Variants in INO80 observed in about 807,000 individuals in gnomAD.
The protein encoded by INO80 is INO80 complex ATPase subunit, also known as chromatin-remodeling ATPase INO80.
A neutral mutation model predicts 203.4 loss-of-function variants in INO80; 20 were observed. The ratio of observed to expected loss-of-function variants is 0.10; its 90% confidence interval spans 0.07 to 0.14. The LOEUF (loss-of-function observed/expected upper bound fraction) is 0.14, where lower values mean the gene tolerates loss of function less well. Ranked by LOEUF, INO80 falls within the 10% of genes least tolerant of loss-of-function variation. The pLI, the probability that INO80 is intolerant of heterozygous loss-of-function variation, is 1.00. For synonymous variants in INO80, 726 were observed against 685.2 expected (o/e 1.06, Z -0.93); for missense variants, 1,419 against 1,914.4 (o/e 0.74, Z 4.83).
intron 23 of INO80, among the ~76,000 whole-genome samples, chr15:41,045,496 C>T (rs1177117295): frequency 6.7e-6 from 1 of 148,168 alleles, no homozygotes; most frequent in African/African-American, 2.5e-5. Context: ...GCATGAGAAT[C>T]GCTTGAACCT....
chr15:41,035,821 CAAAAAAAA>C (rs71104768), intron 24 of INO80, among the ~76,000 whole-genome samples: 3 of 20,154 alleles, frequency 1.5e-4, no homozygotes, highest in Admixed American at 2.2e-3. Context: ...GACTCTGTCT[CAAAAAAAA>C]AAAAAAAAAA....
At chr15:41,038,721 T>C (rs1484656950) in intron 24 of INO80, among the ~76,000 whole-genome samples, 2 of 152,214 alleles carry the variant, frequency 1.3e-5, no homozygotes, top group Non-Finnish European at 2.9e-5. Context: ...CTTTAGTACC[T>C]GACACTTGAA....
chr15:41,063,550 G>C (rs1419044208), intron 14 of INO80, among the ~76,000 whole-genome samples: 4 of 152,080 alleles, frequency 2.6e-5, no homozygotes, highest in Non-Finnish European at 4.4e-5. Context: ...GAGGCAGGCG[G>C]ATCACTTGAG....
intron 4 of INO80, among the ~76,000 whole-genome samples, chr15:41,094,353 T>C (rs538139189): frequency 1.8e-4 from 27 of 152,340 alleles, no homozygotes; most frequent in Non-Finnish European, 3.5e-4. Flanking sequence ...GTTGTTTCTT[T>C]TCTCAGGACT....
chr15:41,094,358 A>G (rs2045688684), intron 4 of INO80, among the ~76,000 whole-genome samples: 1 of 152,170 alleles, frequency 6.6e-6, no homozygotes, highest in Non-Finnish European at 1.5e-5. Flanking sequence ...TTCTTTTCTC[A>G]GGACTTTTGC....
chr15:41,045,581 CAAAA>C (rs61411603), intron 23 of INO80, among the ~76,000 whole-genome samples: 58,374 of 129,116 alleles, frequency 0.45, 13,592 homozygotes, highest in East Asian at 0.68. Context: ...GACTCTGTCT[CAAAA>C]AAAAAAAAAA....
chr15:41,037,556 C>T lies in INO80; in HGVS notation c.2907+7348G>A, dbSNP rs1028515496. On this transcript the variant is annotated intron_variant, in intron 24 of 35. Coordinates refer to ENST00000648947, the MANE Select transcript of INO80 (RefSeq NM_017553.3). ...AATGTTAAGCTTAGTGTTAGTTGTT[C>T]TGGACATTTTAAAACATTCTTTGTG... Among the ~76,000 whole-genome samples the T allele has an allele frequency of 1.3e-4, 20 of 152,096 alleles. 1 individual carries two copies. Among genetic ancestry groups the T allele is most frequent in the Admixed American group, 4.6e-4 (7 of 15,250 alleles).
chr15:41,000,864 ATAAAT>A (rs1566905633), intron 28 of INO80, among the ~76,000 whole-genome samples: 2 of 152,124 alleles, frequency 1.3e-5, no homozygotes, highest in Admixed American at 6.6e-5. Context: ...GTAGGTAAAA[ATAAAT>A]TAGTAGAAAA....
chr15:41,013,061 G>A (rs1361727270), intron 27 of INO80: 3 of 127,816 alleles, frequency 2.3e-5, no homozygotes, highest in Admixed American at 8.3e-5. Flanking sequence ...AGCCAGCCAT[G>A]GCTAAGGCAC....
intron 7 of INO80, among the ~76,000 whole-genome samples, chr15:41,084,918 GGA>G (rs1285137282): frequency 1.3e-5 from 2 of 152,098 alleles, no homozygotes; most frequent in Non-Finnish European, 2.9e-5. Flanking sequence ...TGTAGTTTTT[GGA>G]GAGATGGGGT....
In INO80 at chr15:41,115,889, G is replaced by A. The variant is rs1203995958; in HGVS notation, c.-44+84C>T. On this transcript the variant is annotated intron_variant, in intron 1 of 35. Transcript: ENST00000648947. The stretch of plus-strand genomic sequence containing the variant: ...GGGGCGACGGCCCCTTTAAGACGCG[G>A]CCCAGTTGTCGCCCGCAGAGAGGGG... 229 of 376,012 alleles carry A rather than the reference G, an allele frequency of 6.1e-4. 2 individuals are homozygous for A. Among genetic ancestry groups the A allele is most frequent in the Non-Finnish European group, 8.0e-5 (17 of 211,618 alleles). 23.3% of individuals were successfully genotyped at this position (376,012 alleles called of 1,614,324 possible).
intron 25 of INO80, chr15:41,023,204 C>T: frequency 2.2e-6 from 1 of 447,614 alleles, no homozygotes; most frequent in South Asian, 1.6e-5. Context: ...TAAATATGGA[C>T]CAAAAGAAAG....
chr15:41,049,081 G>A (rs2044818232), intron 21 of INO80, among the ~76,000 whole-genome samples: 1 of 152,208 alleles, frequency 6.6e-6, no homozygotes, highest in South Asian at 2.1e-4. Flanking sequence ...AGAACCAGAA[G>A]TGACTAGGGC....
intron 29 of INO80, among the ~76,000 whole-genome samples, chr15:40,994,321 A>G (rs546231388): frequency 3.2e-4 from 48 of 151,570 alleles, no homozygotes; most frequent in Admixed American, 8.5e-4. Flanking sequence ...TCATGCTACC[A>G]CTCCTTACCT....
intron 29 of INO80, among the ~76,000 whole-genome samples, chr15:40,993,011 T>C (rs983249529): frequency 6.6e-6 from 1 of 152,132 alleles, no homozygotes; most frequent in East Asian, 1.9e-4. Context: ...CCCAGGCTGG[T>C]TTCAAACATC....
At position 41,058,778 on chromosome 15, in the gene INO80, T is replaced by C; in HGVS notation, c.1846A>G (p.Thr616Ala). 1 of 1,610,474 alleles carries C rather than the reference T, an allele frequency of 6.2e-7. No individual in the cohort carries two copies. Among genetic ancestry groups the C allele is most frequent in the Non-Finnish European group, 8.5e-7 (1 of 1,178,482 alleles). Residue 616 changes from threonine (T) to alanine (A), a missense_variant, in exon 16 of 36, where the codon ACC (threonine) becomes GCC (alanine). Thr to Ala is a moderately conservative substitution (Grantham distance 58). Transcript: ENST00000648947. ...AAGGGGGCATCCTGAGTGTAGAGGGTCTTCTGTAAATATAAAAGGGGAAGG... is the reference window on the plus strand; with the variant it reads ...AAGGGGGCATCCTGAGTGTAGAGGGCCTTCTGTAAATATAAAAGGGGAAGG... ...KVIRRFWSQK[T>A]LYTQDAPFHV...
At chr15:40,987,464 A>C (rs2043753919) in intron 30 of INO80, among the ~76,000 whole-genome samples, 1 of 152,230 alleles carries the variant, frequency 6.6e-6, no homozygotes, top group Non-Finnish European at 1.5e-5. Flanking sequence ...AAAATAACAA[A>C]TTTGGCATAC....
chr15:40,995,177 T>C (rs1182461469), intron 29 of INO80, among the ~76,000 whole-genome samples: 1 of 152,232 alleles, frequency 6.6e-6, no homozygotes, highest in Non-Finnish European at 1.5e-5. Flanking sequence ...ACTTTTGACT[T>C]CCTTCCATTG....
chr15:41,071,988 G>C lies in INO80; in HGVS notation c.1466C>G (p.Thr489Ser). The change falls in exon 12 of 36, where the codon ACT becomes AGT. Residue 489 changes from threonine (T) to serine (S), a missense_variant. Around this residue, in one of 9 missense-constraint regions of INO80, gnomAD observed 116 missense variants for 119.5 expected, o/e 0.97. Coordinates refer to ENST00000648947, the MANE Select transcript of INO80 (RefSeq NM_017553.3). ...AALRAANKSG[T>S]GFGESYSLAN... is the part of the protein sequence containing the mutation. Reference sequence around the variant, plus strand: ...CAGGCTATAACTCTCCCCAAACCCAGTGCCAGACTTGTTTGCTGCCCGTAG... The same window carrying C: ...CAGGCTATAACTCTCCCCAAACCCACTGCCAGACTTGTTTGCTGCCCGTAG... 1 of 1,612,524 alleles carries C rather than the reference G, an allele frequency of 6.2e-7. No individual in the cohort carries two copies. Among genetic ancestry groups the C allele is most frequent in the Non-Finnish European group, 8.5e-7 (1 of 1,179,734 alleles).
Sources: allele counts gnomAD v4.1 joint callset (sites outside exome capture counted in the v4.1 genomes callset), GRCh38; gene constraint gnomAD v4.1.1; regional missense constraint gnomAD v4.1.1; transcripts MANE v1.5; gene names NCBI Gene and HGNC (gene_info 2026-07-23, HGNC 2026-07-21).